CEP128: variants seen among roughly 807,000 people sequenced by gnomAD.
The protein encoded by CEP128 is centrosomal protein 128kDa.
A neutral mutation model predicts 156.7 loss-of-function variants in CEP128; 132 were observed. That is an observed-to-expected ratio of 0.84 (90% CI 0.73 to 0.97). The LOEUF is 0.97. CEP128 is among the 50% of genes least tolerant of loss of function. The pLI is 0.00. For synonymous variants in CEP128, 469 were observed against 448.9 expected, an observed-to-expected ratio of 1.04 and a Z score of -0.57; for missense variants, 1,252 against 1,281.9, an observed-to-expected ratio of 0.98 and a Z score of 0.36.
chr14:80,649,642 T>TA (rs1036917320), intron 19 of CEP128, among the ~76,000 whole-genome samples: 12 of 151,790 alleles, frequency 7.9e-5, no homozygotes, highest in South Asian at 6.3e-4. Flanking sequence ...AGGAATGGGG[T>TA]AAAAAAAAGT....
chr14:80,604,343 T>C (rs1433204397), intron 19 of CEP128, among the ~76,000 whole-genome samples: 1 of 152,192 alleles, frequency 6.6e-6, no homozygotes, highest in African/African-American at 2.4e-5. Flanking sequence ...TGAAAAGACA[T>C]TCTTGAATTC....
downstream of CEP128, among the ~76,000 whole-genome samples, chr14:80,489,677 C>A (rs1466988413): frequency 5.3e-5 from 8 of 152,128 alleles, no homozygotes; most frequent in South Asian, 1.5e-3. Context: ...TCGAATGTGA[C>A]TGAGGAGAAA....
intron 14 of CEP128, among the ~76,000 whole-genome samples, chr14:80,792,026 C>T (rs999718491): frequency 3.3e-5 from 5 of 152,136 alleles, no homozygotes; most frequent in Non-Finnish European, 5.9e-5. Flanking sequence ...AAATCAATCA[C>T]GACTTTCCTG....
intron 8 of CEP128, among the ~76,000 whole-genome samples, chr14:80,882,453 C>T (rs1888598427): frequency 1.3e-5 from 2 of 151,970 alleles, no homozygotes; most frequent in East Asian, 3.9e-4. Context: ...AAAAGAGAAC[C>T]CTCCTACACT....
chr14:80,729,074 T>G (rs1898151645), intron 19 of CEP128, among the ~76,000 whole-genome samples: 17 of 51,596 alleles, frequency 3.3e-4, no homozygotes, highest in South Asian at 1.1e-3. Flanking sequence ...TGTGTGTGTG[T>G]GTGTGTGTGT....
At chr14:80,599,349 C>G (rs892178002) in intron 19 of CEP128, among the ~76,000 whole-genome samples, 1 of 149,902 alleles carries the variant, frequency 6.7e-6, no homozygotes, top group African/African-American at 2.5e-5. Flanking sequence ...CTCGGCTCAC[C>G]GCAAGCTCTG....
chr14:80,724,100 T>C (rs1275886803), intron 19 of CEP128, among the ~76,000 whole-genome samples: 1 of 152,196 alleles, frequency 6.6e-6, no homozygotes, highest in Non-Finnish European at 1.5e-5. Flanking sequence ...ATTGGTTCTG[T>C]GGTATGCTAT....
intron 13 of CEP128, among the ~76,000 whole-genome samples, chr14:80,811,915 G>A (rs1232500273): frequency 6.6e-6 from 1 of 152,030 alleles, no homozygotes; most frequent in African/African-American, 2.4e-5. Context: ...CAAGATTTAT[G>A]TTTTTAAATT....
At chr14:80,910,266 G>A (rs950738167) in intron 4 of CEP128, among the ~76,000 whole-genome samples, 4 of 152,128 alleles carry the variant, frequency 2.6e-5, no homozygotes, top group Non-Finnish European at 5.9e-5. Context: ...ATAAAATTTG[G>A]GCACTGGAAT....
intron 9 of CEP128, among the ~76,000 whole-genome samples, chr14:80,848,071 C>T (rs566697622): frequency 6.6e-6 from 1 of 152,296 alleles, no homozygotes; most frequent in East Asian, 1.9e-4. Context: ...TCCATAAAGC[C>T]TGCATTCTGC....
chr14:80,761,574 T>A lies in CEP128; in HGVS notation c.2416A>T (p.Met806Leu), dbSNP rs936330851. ...ISIEEEHLRR[M>L]EEARLQLKDQ... is the part of the protein sequence containing the mutation. ...TTGAGCTGCAATCTGGCCTCTTCCA[T>A]CCTCCTTAAGTGCTCCTCTTCAATG... The change falls in exon 17 of 25, where the codon ATG becomes TTG. Residue 806 changes from methionine to leucine, a missense_variant. Met to Leu is a conservative substitution (Grantham distance 15, BLOSUM62 2). Transcript: ENST00000555265. 4 of 1,611,566 alleles carry A rather than the reference T, an allele frequency of 2.5e-6. No homozygotes were observed. In the African/African-American group the frequency reaches 5.3e-5, roughly 22 times the overall value.
intron 2 of CEP128, among the ~76,000 whole-genome samples, chr14:80,922,491 T>G (rs1884921196): frequency 6.6e-6 from 1 of 152,214 alleles, no homozygotes; most frequent in African/African-American, 2.4e-5. Flanking sequence ...TAAAGAAACA[T>G]TCTAAACTAC....
intron 19 of CEP128, among the ~76,000 whole-genome samples, chr14:80,713,051 G>A (rs1897471083): frequency 6.6e-6 from 1 of 152,096 alleles, no homozygotes; most frequent in African/African-American, 2.4e-5. Flanking sequence ...GACACAAGCA[G>A]ACTACCAAGT....
intron 19 of CEP128, among the ~76,000 whole-genome samples, chr14:80,672,368 C>G (rs1895878449): frequency 6.8e-6 from 1 of 146,116 alleles, no homozygotes; most frequent in African/African-American, 2.5e-5. Flanking sequence ...AAAAAAATCA[C>G]AGAATTGCTG....
At chr14:80,487,881 G>T (rs1203932633), downstream of CEP128, among the ~76,000 whole-genome samples, 1 of 152,008 alleles carries the variant, frequency 6.6e-6, no homozygotes, top group Admixed American at 6.6e-5. Context: ...AAAGCAGTGT[G>T]TAGAGGGAAA....
intron 8 of CEP128, among the ~76,000 whole-genome samples, chr14:80,877,005 T>C (rs1888315074): frequency 6.6e-6 from 1 of 152,130 alleles, no homozygotes; most frequent in East Asian, 1.9e-4. Flanking sequence ...CTCAATTAAA[T>C]ACAAAATTAA....
chr14:80,864,620 G>C (rs566036371), intron 8 of CEP128, among the ~76,000 whole-genome samples: 223 of 151,222 alleles, frequency 1.5e-3, no homozygotes, highest in Non-Finnish European at 2.7e-3. Flanking sequence ...GCAGTGGCAT[G>C]ATCTCGGCTC....
chr14:80,758,396 C>A (rs1207647158), intron 17 of CEP128, among the ~76,000 whole-genome samples: 3 of 152,018 alleles, frequency 2.0e-5, no homozygotes, highest in Admixed American at 2.0e-4. Context: ...GTGGCGCATG[C>A]CTGTAATCCC....
At chr14:80,695,077 G>A (rs1453562158) in intron 19 of CEP128, among the ~76,000 whole-genome samples, 1 of 151,930 alleles carries the variant, frequency 6.6e-6, no homozygotes, top group East Asian at 1.9e-4. Flanking sequence ...AACTACAGTG[G>A]AGATGTTTCC....
Sources: gnomAD v4.1 joint callset for allele counts (sites outside exome capture counted in the v4.1 genomes callset) on GRCh38, gnomAD v4.1.1 for gene constraint, MANE v1.5 for transcripts, NCBI Gene and HGNC (gene_info 2026-07-23, HGNC 2026-07-21) for gene names.